The following CCSER1 variants were observed in gnomAD, a reference collection of about 807,000 sequenced individuals.
The protein encoded by CCSER1 is serine-rich coiled-coil domain-containing protein 1.
Under a neutral mutation model 82.0 loss-of-function variants are expected in CCSER1, and 41 were observed. The ratio of observed to expected loss-of-function variants is 0.50; its 90% CI spans 0.39 to 0.65. The LOEUF (loss-of-function observed/expected upper bound fraction) is 0.65. Among genes scored for constraint, CCSER1 ranks in the 30% least tolerant of loss-of-function variants. The probability of loss-of-function intolerance (pLI) is 0.00; values close to 1 mark genes in which losing one functional copy is unlikely to be tolerated. For missense variants in CCSER1, 1,119 were observed against 1,064.2 expected, an observed-to-expected ratio of 1.05 and a Z score of -0.72; for synonymous variants, 414 against 383.9, an observed-to-expected ratio of 1.08 and a Z score of -0.92.
chr4:90,169,264 T>A (rs1731161287), intron 1 of CCSER1, among the ~76,000 whole-genome samples: 1 of 152,130 alleles, frequency 6.6e-6, no homozygotes, highest in Non-Finnish European at 1.5e-5. Context: ...CACTCATGAT[T>A]TGGCTCTCTG....
At chr4:90,863,834 A>G (rs1334739967) in intron 8 of CCSER1, among the ~76,000 whole-genome samples, 1 of 151,884 alleles carries the variant, frequency 6.6e-6, no homozygotes, top group Admixed American at 6.6e-5. Context: ...TGGTAGTTCT[A>G]TGTAAAAACA....
intron 10 of CCSER1, among the ~76,000 whole-genome samples, chr4:91,270,041 G>A (rs762474899): frequency 1.9e-4 from 29 of 152,232 alleles, no homozygotes; most frequent in African/African-American, 5.3e-4. Flanking sequence ...TACTTTTGCC[G>A]CAGAGATATT....
At chr4:91,418,221 T>G (rs975635533) in intron 10 of CCSER1, among the ~76,000 whole-genome samples, 1 of 136,996 alleles carries the variant, frequency 7.3e-6, no homozygotes, top group Non-Finnish European at 1.6e-5. Flanking sequence ...AGGAAAGAAA[T>G]AATACAGATT....
chr4:90,305,090 G>T (rs887435600), intron 1 of CCSER1, among the ~76,000 whole-genome samples: 2 of 152,006 alleles, frequency 1.3e-5, no homozygotes, highest in East Asian at 3.9e-4. Context: ...ATAATTTTTT[G>T]TATTTTTAGT....
At chr4:90,432,346 G>T (rs1311521238) in intron 4 of CCSER1, among the ~76,000 whole-genome samples, 1 of 152,054 alleles carries the variant, frequency 6.6e-6, no homozygotes, top group Non-Finnish European at 1.5e-5. Flanking sequence ...TTTCTGTCTG[G>T]GATAAATGAA....
intron 6 of CCSER1, among the ~76,000 whole-genome samples, chr4:90,705,042 A>G (rs987682722): frequency 1.3e-5 from 2 of 152,082 alleles, no homozygotes; most frequent in African/African-American, 2.4e-5. Context: ...GGAGGGAGAG[A>G]GGTGCTTTGA....
At chr4:90,210,773 A>G (rs1739841028) in intron 1 of CCSER1, among the ~76,000 whole-genome samples, 1 of 152,214 alleles carries the variant, frequency 6.6e-6, no homozygotes, top group Non-Finnish European at 1.5e-5. Flanking sequence ...CTAATAAAAT[A>G]AAAGACACAG....
chr4:91,118,833 C>G (rs1485542456), intron 10 of CCSER1, among the ~76,000 whole-genome samples: 1 of 152,132 alleles, frequency 6.6e-6, no homozygotes, highest in African/African-American at 2.4e-5. Flanking sequence ...ATGATCAACT[C>G]TTACCAGTAG....
intron 10 of CCSER1, among the ~76,000 whole-genome samples, chr4:91,417,861 G>T (rs910753532): frequency 4.6e-5 from 7 of 151,610 alleles, no homozygotes; most frequent in African/African-American, 1.7e-4. Context: ...AAGTTGAAGA[G>T]AATTTAAAAA....
At chr4:90,775,517 C>T (rs985341091) in intron 7 of CCSER1, among the ~76,000 whole-genome samples, 8 of 152,072 alleles carry the variant, frequency 5.3e-5, no homozygotes, top group African/African-American at 1.4e-4. Flanking sequence ...TTTGTTTTAT[C>T]TTCATTGTAA....
intron 4 of CCSER1, among the ~76,000 whole-genome samples, chr4:90,409,173 C>T (rs1299849630): frequency 6.6e-6 from 1 of 152,170 alleles, no homozygotes; most frequent in African/African-American, 2.4e-5. Context: ...CTGAAAGTGA[C>T]AGGGAGAATG....
chr4:91,510,211 T>G (rs142479096), intron 10 of CCSER1, among the ~76,000 whole-genome samples: 25 of 152,228 alleles, frequency 1.6e-4, no homozygotes, highest in South Asian at 4.1e-4. Context: ...CTATGTAGTA[T>G]TCCATGGTGT....
At chr4:91,052,939 T>A (rs1743132339) in intron 9 of CCSER1, among the ~76,000 whole-genome samples, 3 of 152,082 alleles carry the variant, frequency 2.0e-5, no homozygotes, top group South Asian at 4.1e-4. Flanking sequence ...CTTAAAGTAT[T>A]TAAAGTGTAG....
intron 6 of CCSER1, among the ~76,000 whole-genome samples, chr4:90,629,797 C>A (rs552008058): frequency 2.2e-4 from 33 of 152,234 alleles, no homozygotes; most frequent in African/African-American, 7.5e-4. Flanking sequence ...TATGAGCTGG[C>A]AGTTCAGCAA....
intron 10 of CCSER1, among the ~76,000 whole-genome samples, chr4:91,164,336 G>A (rs569745285): frequency 1.3e-5 from 2 of 152,118 alleles, no homozygotes; most frequent in South Asian, 2.1e-4. Flanking sequence ...TGGGTAACCC[G>A]ACCTTTCTCT....
At chr4:91,068,952 G>A (rs1721133012) in intron 9 of CCSER1, among the ~76,000 whole-genome samples, 1 of 152,116 alleles carries the variant, frequency 6.6e-6, no homozygotes, top group South Asian at 2.1e-4. Context: ...GGAGGCTGAA[G>A]CAGGTGGATC....
At chr4:91,227,308 C>T (rs1738273422) in intron 10 of CCSER1, among the ~76,000 whole-genome samples, 1 of 151,432 alleles carries the variant, frequency 6.6e-6, no homozygotes. Context: ...AGGAAACCAG[C>T]AAATAAAGGA....
At chr4:91,309,928 C>T (rs915027351) in intron 10 of CCSER1, among the ~76,000 whole-genome samples, 2 of 151,834 alleles carry the variant, frequency 1.3e-5, no homozygotes, top group Admixed American at 6.6e-5. Context: ...GCTAGAGGTC[C>T]AAGATCAAGG....
At chr4:91,309,270 A>G (rs1194561159) in intron 10 of CCSER1, among the ~76,000 whole-genome samples, 2 of 152,034 alleles carry the variant, frequency 1.3e-5, no homozygotes, top group East Asian at 1.9e-4. Flanking sequence ...GGCAAGGCTG[A>G]TATTTGTTAA....
Sources: gnomAD v4.1 joint callset for allele counts (sites outside exome capture counted in the v4.1 genomes callset) on GRCh38, gnomAD v4.1.1 for gene constraint, MANE v1.5 for transcripts, NCBI Gene and HGNC (gene_info 2026-07-23, HGNC 2026-07-21) for gene names.